The following AOX1 variants were observed in gnomAD, a reference collection of about 807,000 sequenced individuals.
AOX1 encodes aldehyde oxidase 1, also known as aldehyde oxidase.
In AOX1, 153 loss-of-function variants were observed where a neutral mutation model predicts 169.5. That is an observed-to-expected ratio of 0.90 (90% CI 0.79 to 1.03). The LOEUF is 1.03. AOX1 is among the 50% of genes least tolerant of loss of function. AOX1 has a pLI of 0.00. For synonymous variants in AOX1, 562 were observed against 581.9 expected, an observed-to-expected ratio of 0.97 and a Z score of 0.49; for missense variants, 1,656 against 1,663.9, an observed-to-expected ratio of 1.00 and a Z score of 0.08.
chr2:200,629,443 T>A (rs1353667994), intron 20 of AOX1, among the ~76,000 whole-genome samples: 1 of 152,242 alleles, frequency 6.6e-6, no homozygotes, highest in Non-Finnish European at 1.5e-5. Context: ...ATTAGTGAGA[T>A]ACGTTGGCAG....
rs1326132814 is a variant in AOX1 at position 200,604,084 on chromosome 2, C to T, written c.656C>T (p.Pro219Leu). The T allele has an allele frequency of 4.3e-6, 7 of 1,610,646 alleles. No homozygotes were observed. The highest frequency in any genetic ancestry group is 5.9e-6 in the Non-Finnish European group (7 of 1,176,880). The change falls in exon 8 of 35, where the codon CCT (proline) becomes CTT (leucine). Residue 219 changes from proline (P) to leucine (L), a missense_variant. Transcript: ENST00000374700. ...GATCCAACCCAGGAACTGATATTTCCTCCTGAGCTAATGGTGAGTAAAGCA... is the reference window on the plus strand; with the variant it reads ...GATCCAACCCAGGAACTGATATTTCTTCCTGAGCTAATGGTGAGTAAAGCA... ...PLDPTQELIF[P>L]PELMIMAEKQ...
intron 1 of AOX1, among the ~76,000 whole-genome samples, chr2:200,586,585 G>A (rs1374060930): frequency 9.2e-5 from 14 of 152,230 alleles, no homozygotes; most frequent in Admixed American, 9.2e-4. Flanking sequence ...CAGCTCGCGG[G>A]GTGCGTTTGG....
At chr2:200,593,350 C>T in intron 2 of AOX1, 147 bp downstream of exon 2, 1 of 706,212 alleles carries the variant, frequency 1.4e-6, no homozygotes, top group Non-Finnish European at 2.3e-6. Context: ...TGAGAAAGTC[C>T]TATCATTTTA....
chr2:200,633,314 G>A lies in AOX1; in HGVS notation c.2222-1477G>A, dbSNP rs142916040. Among the ~76,000 whole-genome samples the A allele has an allele frequency of 5.6e-3, 857 of 152,112 alleles. 4 individuals carry two copies. Among genetic ancestry groups the A allele is most frequent in the Non-Finnish European group, 0.01 (700 of 67,990 alleles). On this transcript the variant is annotated intron_variant, in intron 20 of 34. Coordinates refer to ENST00000374700, the MANE Select transcript of AOX1 (RefSeq NM_001159.4). The stretch of plus-strand genomic sequence containing the variant: ...TTTAGCCATTATTTTTCAAATAATG[G>A]CTTGACTTCAATGGCACAAATATTA...
At chr2:200,586,638 C>A (rs1340006058) in intron 1 of AOX1, among the ~76,000 whole-genome samples, 1 of 152,184 alleles carries the variant, frequency 6.6e-6, no homozygotes, top group Non-Finnish European at 1.5e-5. Flanking sequence ...ACCGTAGAGA[C>A]GAACACATTC....
intron 3 of AOX1, among the ~76,000 whole-genome samples, chr2:200,596,880 C>T (rs192407963): frequency 6.6e-6 from 1 of 152,288 alleles, no homozygotes; most frequent in East Asian, 1.9e-4. Context: ...ATGGGAGTGG[C>T]AGTCTCTTAC....
downstream of AOX1, among the ~76,000 whole-genome samples, chr2:200,671,757 A>G (rs574879333): frequency 1.6e-4 from 25 of 152,304 alleles, no homozygotes; most frequent in South Asian, 5.0e-3. Flanking sequence ...GCATTTCCTC[A>G]AGGAGTTAAA....
chr2:200,642,500 A>G lies in AOX1; in HGVS notation c.2656-110A>G, dbSNP rs927971433. The G allele has an allele frequency of 8.0e-6, 6 of 751,760 alleles. No individual in the cohort carries two copies. The African/African-American group carries it at 1.1e-4, about 14-fold the overall frequency. 46.6% of individuals were successfully genotyped at this position (751,760 alleles called of 1,614,324 possible). On this transcript the variant is annotated intron_variant, in intron 24 of 34. Transcript: ENST00000374700. ...GGGCATGGGAATATTTTAGCATGTT[A>G]GATGAGATGAAAAGAGAGCTGCCAT...
At chr2:200,601,073 C>CTTTTTT (rs58855977) in intron 5 of AOX1, among the ~76,000 whole-genome samples, 2,226 of 120,400 alleles carry the variant, frequency 0.018, 146 homozygotes, top group Non-Finnish European at 0.03. Context: ...GCTTAGAGTG[C>CTTTTTT]TTTTTTTTTT....
intron 26 of AOX1, among the ~76,000 whole-genome samples, chr2:200,652,215 G>C (rs1282497743): frequency 5.9e-5 from 9 of 152,192 alleles, no homozygotes; most frequent in African/African-American, 2.2e-4. Flanking sequence ...AACTGTCCTA[G>C]TTGAGCTTTG....
chr2:200,604,542 A>T (rs1272716011), intron 8 of AOX1, among the ~76,000 whole-genome samples, 154 bp from the exon 9 acceptor site: 1 of 152,194 alleles, frequency 6.6e-6, no homozygotes, highest in Non-Finnish European at 1.5e-5. Flanking sequence ...CTGAATTCTA[A>T]TTCCTTGTAA....
At chr2:200,639,536 AC>A (rs1314988975) in intron 23 of AOX1, among the ~76,000 whole-genome samples, 1 of 152,206 alleles carries the variant, frequency 6.6e-6, no homozygotes, top group Non-Finnish European at 1.5e-5. Context: ...TCCATTTCAA[AC>A]CACACTCACT....
intron 21 of AOX1, among the ~76,000 whole-genome samples, chr2:200,636,556 T>C (rs2105741715): frequency 6.6e-6 from 1 of 152,322 alleles, no homozygotes; most frequent in South Asian, 2.1e-4. Context: ...GTGAATAGAA[T>C]ACTTTAGGAG....
intron 27 of AOX1, among the ~76,000 whole-genome samples, chr2:200,657,190 A>ATATATATATATATATATATATTTTTT: frequency 1.6e-4 from 10 of 62,878 alleles, no homozygotes; most frequent in Non-Finnish European, 2.3e-4. Context: ...ATATATATAT[A>ATATATATATATATATATATATTTTTT]TTTTTTTTTT....
chr2:200,591,537 G>A (rs1321978265), intron 1 of AOX1, among the ~76,000 whole-genome samples: 3 of 152,178 alleles, frequency 2.0e-5, no homozygotes, highest in African/African-American at 7.2e-5. Context: ...GCCTGAGTTC[G>A]AATTTCTTCT....
At chr2:200,656,727 C>G in intron 26 of AOX1, 115 bp from the exon 27 acceptor site, 1 of 709,550 alleles carries the variant, frequency 1.4e-6, no homozygotes, top group Non-Finnish European at 2.1e-6. Context: ...GTTGCTCCAC[C>G]CTGGGGGGTG....
chr2:200,631,168 C>T (rs1357797379), intron 20 of AOX1, among the ~76,000 whole-genome samples: 2 of 152,106 alleles, frequency 1.3e-5, no homozygotes, highest in Non-Finnish European at 2.9e-5. Context: ...CTATCTAATC[C>T]CGGTGTCACA....
intron 1 of AOX1, among the ~76,000 whole-genome samples, chr2:200,592,853 A>G (rs1350213173): frequency 6.6e-6 from 1 of 152,038 alleles, no homozygotes; most frequent in African/African-American, 2.4e-5. Context: ...CCTGCTTTAA[A>G]CTTTCTAGAA....
intron 26 of AOX1, among the ~76,000 whole-genome samples, chr2:200,653,311 A>T (rs1211629251): frequency 6.6e-6 from 1 of 152,226 alleles, no homozygotes; most frequent in Non-Finnish European, 1.5e-5. Context: ...GGAGTTTGAG[A>T]CCAAACTCCG....
Sources: allele counts gnomAD v4.1 joint callset (sites outside exome capture counted in the v4.1 genomes callset), GRCh38; gene constraint gnomAD v4.1.1; transcripts MANE v1.5; gene names NCBI Gene and HGNC (gene_info 2026-07-23, HGNC 2026-07-21).